The following COL5A3 variants were observed in gnomAD, a reference collection of about 807,000 sequenced individuals.
The protein encoded by COL5A3 is collagen alpha-3(V) chain.
A neutral mutation model predicts 250.0 loss-of-function variants in COL5A3; 172 were observed. The observed-to-expected ratio is 0.69, with a 90% CI of 0.61 to 0.78. The LOEUF is 0.78. Ranked by LOEUF, COL5A3 falls within the 30% of genes least tolerant of loss-of-function variation. The probability of loss-of-function intolerance (pLI) is 0.00; values close to 1 mark genes in which losing one functional copy is unlikely to be tolerated. For synonymous variants in COL5A3, 937 were observed against 900.4 expected, an observed-to-expected ratio of 1.04 and a Z score of -0.73; for missense variants, 2,340 against 2,334.4, an observed-to-expected ratio of 1.00 and a Z score of -0.05.
At chr19:9,999,179 T>C (rs1354377067) in intron 8 of COL5A3, among the ~76,000 whole-genome samples, 1 of 113,098 alleles carries the variant, frequency 8.8e-6, no homozygotes, top group Non-Finnish European at 1.9e-5. Context: ...TTCCTTCTCT[T>C]GCTTGCTTGC....
intron 56 of COL5A3, 37 bp downstream of exon 56, chr19:9,969,538 G>A: frequency 6.2e-7 from 1 of 1,604,258 alleles, no homozygotes; most frequent in East Asian, 2.2e-5. Context: ...AGAGGAGCTG[G>A]ATCCACCCTG....
intron 11 of COL5A3, chr19:9,996,994 C>G: frequency 1.9e-6 from 1 of 515,452 alleles, no homozygotes; most frequent in African/African-American, 2.0e-5. Context: ...GACAGAAAAG[C>G]CAGTGAAAGA....
At position 10,005,879 on chromosome 19, in the gene COL5A3, C is replaced by T; in HGVS notation, c.354G>A (p.Leu118=). The change falls in exon 3 of 67, where the codon TTG becomes TTA. Residue 118 remains leucine (L), a synonymous_variant. Transcript: ENST00000264828. Reference sequence around the variant, plus strand: ...CCAGCGCTGGCCCCAGTGCCAGGCCCAACTGCCGGGCACCCCTTTCATCAT... The same window carrying T: ...CCAGCGCTGGCCCCAGTGCCAGGCCTAACTGCCGGGCACCCCTTTCATCAT... ...SIYDERGARQ[L]GLALGPALGL... 1 of 1,613,908 alleles carries T rather than the reference C, an allele frequency of 6.2e-7. No homozygotes were observed.
Position 9,969,912 on chromosome 19 carries a change from C to T in COL5A3, c.3947G>A (p.Gly1316Asp). ...PGPPGKRGPS[G>D]HMGREGREGE... ...TTCTCTGCCTTCTCGACCCATGTGG[C>T]CTGAAGGACCCTTGGAAGGGAAAGA... is the stretch of plus-strand genomic sequence containing the variant. Residue 1316 changes from glycine to aspartate, a missense_variant, in exon 55 of 67, where the codon GGC (glycine) becomes GAC (aspartate). By Grantham distance (94) the Gly-to-Asp change is moderately conservative. Around this residue, in one of 3 missense-constraint regions of COL5A3, gnomAD observed 1,179 missense variants for 1,162.6 expected, o/e 1.01. Coordinates refer to ENST00000264828, the MANE Select transcript of COL5A3 (RefSeq NM_015719.4). 2 of 1,606,382 alleles carry T rather than the reference C, an allele frequency of 1.2e-6. No individual in the cohort carries two copies. The highest frequency in any genetic ancestry group is 1.7e-6 in the Non-Finnish European group (2 of 1,177,864).
At chr19:10,002,410 AACCAGTG>A (rs2087377362) in intron 6 of COL5A3, among the ~76,000 whole-genome samples, 1 of 151,794 alleles carries the variant, frequency 6.6e-6, no homozygotes, top group Non-Finnish European at 1.5e-5. Context: ...GATGTAGTGC[AACCAGTG>A]ACTCCCCCAC....
chr19:9,994,614 A>C (rs1428608348), intron 16 of COL5A3, among the ~76,000 whole-genome samples: 49 of 126,594 alleles, frequency 3.9e-4, no homozygotes, highest in Admixed American at 8.4e-4. Context: ...ATATGGTCAC[A>C]TGTCACTGAA....
At chr19:9,961,100 C>T (rs2086667179) in intron 65 of COL5A3, among the ~76,000 whole-genome samples, 1 of 152,138 alleles carries the variant, frequency 6.6e-6, no homozygotes. Flanking sequence ...TCCAGTAGGC[C>T]TCCATGCCCA....
chr19:9,995,131 C>T (rs1052629877), intron 16 of COL5A3, among the ~76,000 whole-genome samples: 1 of 152,178 alleles, frequency 6.6e-6, no homozygotes, highest in Non-Finnish European at 1.5e-5. Flanking sequence ...TGATCTCAAA[C>T]TCCTGACCTC....
chr19:9,974,031 A>G (rs2086888183), intron 47 of COL5A3, 59 bp from the exon 48 acceptor site: 3 of 1,520,634 alleles, frequency 2.0e-6, no homozygotes, highest in African/African-American at 1.4e-5. Context: ...AAAAGGCCAC[A>G]TTGACCACAG....
rs181176581 is a variant in COL5A3 at position 9,999,608 on chromosome 19, G to A, written c.1111-1459C>T. Among the ~76,000 whole-genome samples, 174 of 149,884 alleles carry A rather than the reference G, an allele frequency of 1.2e-3. 1 individual carries two copies. The highest frequency in any genetic ancestry group is 1.8e-3 in the Non-Finnish European group (123 of 67,664). ...GCCTCCCGAGAAGCTGGGACTACAG[G>A]CGCCCGCCACCACGCCCAGCTAATT... On this transcript the variant is annotated intron_variant, in intron 8 of 66. Coordinates refer to ENST00000264828, the MANE Select transcript of COL5A3 (RefSeq NM_015719.4).
At chr19:9,983,553 A>G (rs1161144241) in intron 31 of COL5A3, among the ~76,000 whole-genome samples, 4 of 74,710 alleles carry the variant, frequency 5.4e-5, no homozygotes, top group African/African-American at 1.7e-4. Context: ...AGAAAGAAAG[A>G]AAGAAAGAAA....
chr19:9,983,412 T>C (rs917824196), intron 31 of COL5A3, among the ~76,000 whole-genome samples: 5 of 151,756 alleles, frequency 3.3e-5, no homozygotes, highest in Admixed American at 6.6e-5. Context: ...GCAGGAGGAC[T>C]GCTTGAGTCC....
chr19:10,009,087 T>C lies in COL5A3; in HGVS notation c.88+1211A>G, dbSNP rs1377257920. Among the ~76,000 whole-genome samples the C allele has an allele frequency of 1.3e-5, 2 of 151,790 alleles. No individual in the cohort carries two copies. The highest frequency in any genetic ancestry group is 2.4e-5 in the African/African-American group (1 of 41,270). On this transcript the variant is annotated intron_variant, in intron 1 of 66. Coordinates refer to ENST00000264828, the MANE Select transcript of COL5A3 (RefSeq NM_015719.4). This position sits in a 1 kb window ranked among gnomAD's most constrained non-coding sequence, Gnocchi z 4.4. ...CCATGTGGATGTGTGAGCGTGGGAA[T>C]GCGGCATAGTCCAATCAGGGATTAA... is the stretch of plus-strand genomic sequence containing the variant.
At chr19:9,974,110 C>A in intron 47 of COL5A3, 61 bp downstream of exon 47, 1 of 1,567,148 alleles carries the variant, frequency 6.4e-7, no homozygotes, top group South Asian at 1.2e-5. Flanking sequence ...GAATCTAATG[C>A]CTGCCGCCAA....
At chr19:9,993,842 C>T in intron 16 of COL5A3, 36 bp from the exon 17 acceptor site, 1 of 1,602,748 alleles carries the variant, frequency 6.2e-7, no homozygotes, top group Non-Finnish European at 8.5e-7. Flanking sequence ...CAAGGATGAG[C>T]CTTCCCTGTA....
Position 9,960,794 on chromosome 19 carries a change from A to C in COL5A3, c.4948T>G (p.Ser1650Ala). The change falls in exon 66 of 67, where the codon TCC (serine) becomes GCC (alanine). Residue 1650 changes from serine to alanine, a missense_variant. Coordinates refer to ENST00000264828, the MANE Select transcript of COL5A3 (RefSeq NM_015719.4). Reference protein sequence around the residue: ...SATARQNFTYSCQNAAAWLDE... With the variant: ...SATARQNFTYACQNAAAWLDE... ...AGCCAGGCAGCTGCATTCTGGCAGG[A>C]GTAGGTGAAGTTCTGGCGAGCTGTG... The C allele has an allele frequency of 6.2e-7, 1 of 1,613,922 alleles. No individual in the cohort carries two copies. Among genetic ancestry groups the C allele is most frequent in the Non-Finnish European group, 8.5e-7 (1 of 1,180,030 alleles).
chr19:10,002,950 C>T (rs749259), intron 6 of COL5A3, among the ~76,000 whole-genome samples: 28,933 of 152,010 alleles, frequency 0.19, 3,938 homozygotes, highest in African/African-American at 0.39. Context: ...TCATTGACCC[C>T]AAACTAGGGA....
intron 64 of COL5A3, among the ~76,000 whole-genome samples, chr19:9,964,321 C>G (rs144207898): frequency 0.012 from 1,817 of 151,928 alleles, 36 homozygotes; most frequent in African/African-American, 0.04. Flanking sequence ...TAGAATAGAC[C>G]GGGTGTGGTG....
intron 51 of COL5A3, among the ~76,000 whole-genome samples, chr19:9,972,345 T>A (rs545271809): frequency 1.3e-5 from 2 of 152,176 alleles, no homozygotes; most frequent in East Asian, 3.9e-4. Context: ...ATCCATTCAC[T>A]CATTTATTCA....
Sources: gnomAD v4.1 joint callset for allele counts (sites outside exome capture counted in the v4.1 genomes callset) on GRCh38, gnomAD v4.1.1 for gene constraint, gnomAD v4.1.1 regional missense constraint, Gnocchi (gnomAD v3.1) non-coding constraint, MANE v1.5 for transcripts, NCBI Gene and HGNC (gene_info 2026-07-23, HGNC 2026-07-21) for gene names.